Variants in TGFBR1 observed in about 807,000 individuals in gnomAD.
TGFBR1 encodes the protein TGF-beta receptor type-1.
A neutral mutation model predicts 55.1 loss-of-function variants in TGFBR1; 20 were observed. That is an observed-to-expected ratio of 0.36 (90% CI 0.26 to 0.53). TGFBR1 has a LOEUF of 0.53. Ranked by LOEUF, TGFBR1 falls within the 20% of genes least tolerant of loss-of-function variation. The pLI, the probability that TGFBR1 is intolerant of heterozygous loss-of-function variation, is 0.91. For missense variants in TGFBR1, 385 were observed against 617.6 expected (o/e 0.62, Z 3.99); for synonymous variants, 220 against 214.8 (o/e 1.02, Z -0.21).
At chr9:99,122,635 T>C (rs1826929218) in intron 1 of TGFBR1, among the ~76,000 whole-genome samples, 1 of 152,174 alleles carries the variant, frequency 6.6e-6, no homozygotes, top group Non-Finnish European at 1.5e-5. Flanking sequence ...GTCACCATGC[T>C]AACATCTGCA....
At position 99,138,179 on chromosome 9, in the gene TGFBR1, T is replaced by C. The variant is rs183415823; in HGVS notation, c.805+90T>C. 1.4e-4 allele frequency: 162 copies of C among 1,145,938 alleles called. 1 individual carries two copies. In the African/African-American group the frequency reaches 2.2e-3, roughly 16 times the overall value. 71.0% of individuals were successfully genotyped at this position (1,145,938 alleles called of 1,614,324 possible). A position where few individuals can be genotyped will look rare whatever the true frequency, so the allele number is the denominator to read the frequency against. ...GGTGACTAACCATCATCAAAGTAGA[T>C]GAGACATAGATGTCTCTCATGTAGA... is the stretch of plus-strand genomic sequence containing the variant. On this transcript the variant is annotated intron_variant, in intron 4 of 8. Transcript: ENST00000374994.
At chr9:99,133,472 T>G (rs1416659095) in intron 3 of TGFBR1, among the ~76,000 whole-genome samples, 1 of 152,204 alleles carries the variant, frequency 6.6e-6, no homozygotes, top group Non-Finnish European at 1.5e-5. Context: ...ATCTTTTACT[T>G]TTTCTTGCAT....
rs1218155178 is a variant in TGFBR1 at position 99,128,711 on chromosome 9, A to G, written c.98-144A>G. The stretch of plus-strand genomic sequence containing the variant: ...TTTGAAACTTCTAAGAGCAACAAAT[A>G]GTTGTTTTTTGCTTCTAAGAGCAAC... On this transcript the variant is annotated intron_variant, in intron 1 of 8. Transcript: ENST00000374994. 1.0e-5 allele frequency: 11 copies of G among 1,055,576 alleles called. No homozygotes were observed. The Admixed American group carries it at 2.0e-4, about 19-fold the overall frequency. 65.4% of individuals were successfully genotyped at this position (1,055,576 alleles called of 1,614,324 possible). A position where few individuals can be genotyped will look rare whatever the true frequency, so the allele number is the denominator to read the frequency against.
At position 99,128,963 on chromosome 9, in the gene TGFBR1, G is replaced by A. The variant is rs2118566757; in HGVS notation, c.206G>A (p.Ser69Asn). The change falls in exon 2 of 9, where the codon AGC becomes AAC. Residue 69 changes from serine (S) to asparagine (N), a missense_variant. Ser to Asn is a conservative substitution (Grantham distance 46, BLOSUM62 1). Around this residue, in one of 5 missense-constraint regions of TGFBR1, gnomAD observed 146 missense variants for 167.7 expected, o/e 0.87. Coordinates refer to ENST00000374994, the MANE Select transcript of TGFBR1 (RefSeq NM_004612.4). ...ACCACAGACAAAGTTATACACAACAGCATGTGTATAGCTGAAATTGACTTA... is the reference window on the plus strand; with the variant it reads ...ACCACAGACAAAGTTATACACAACAACATGTGTATAGCTGAAATTGACTTA... ...TETTDKVIHN[S>N]MCIAEIDLIP... The A allele has an allele frequency of 6.2e-7, 1 of 1,613,938 alleles. No homozygotes were observed. Among genetic ancestry groups the A allele is most frequent in the Non-Finnish European group, 8.5e-7 (1 of 1,179,936 alleles).
intron 8 of TGFBR1, 93 bp downstream of exon 8, chr9:99,147,877 T>A: frequency 7.3e-7 from 1 of 1,370,936 alleles, no homozygotes; most frequent in Non-Finnish European, 1.0e-6. Context: ...AAACTTTTCT[T>A]TAAGAATTTT....
rs1827924537 is a variant in TGFBR1 at position 99,149,671 on chromosome 9, CAT to C, written c.*367_*368del. The C allele has an allele frequency of 6.0e-6, 2 of 332,148 alleles. No homozygotes were observed. The highest frequency in any genetic ancestry group is 4.6e-5 in the Admixed American group (1 of 21,960). 20.6% of individuals were successfully genotyped at this position (332,148 alleles called of 1,614,324 possible). A position where few individuals can be genotyped will look rare whatever the true frequency, so the allele number is the denominator to read the frequency against. On this transcript the variant is annotated 3_prime_UTR_variant, in exon 9 of 9. Coordinates refer to ENST00000374994, the MANE Select transcript of TGFBR1 (RefSeq NM_004612.4). ...GTTGGATTGCTGAATTACAATGAAA[CAT>C]GTCTTATTACTAAAGAAAGTGATTT...
In TGFBR1 at chr9:99,152,504, G is replaced by A. The variant is rs988160975; in HGVS notation, c.*3199G>A. 2 of 230,664 alleles carry A rather than the reference G, an allele frequency of 8.7e-6. No individual in the cohort carries two copies. The highest frequency in any genetic ancestry group is 1.1e-4 in the Admixed American group (2 of 17,678). 14.3% of individuals were successfully genotyped at this position (230,664 alleles called of 1,614,324 possible). ...TCAGGTTTTATTACAAAATGTAAGTGGTCACTTGGCGATTTTGTAGTACAT... is the reference window on the plus strand; with the variant it reads ...TCAGGTTTTATTACAAAATGTAAGTAGTCACTTGGCGATTTTGTAGTACAT... On this transcript the variant is annotated 3_prime_UTR_variant, in exon 9 of 9. Transcript: ENST00000374994.
Position 99,131,492 on chromosome 9 carries a change from A to T in TGFBR1, c.344-1017A>T, listed in dbSNP as rs560612067. On this transcript the variant is annotated intron_variant, in intron 2 of 8. Coordinates refer to ENST00000374994, the MANE Select transcript of TGFBR1 (RefSeq NM_004612.4). Reference sequence around the variant, plus strand: ...TGGTGGTAAGCAGTAAACCAGTAAGACTCAGGATGAATGTCAAAATAATTG... The same window carrying T: ...TGGTGGTAAGCAGTAAACCAGTAAGTCTCAGGATGAATGTCAAAATAATTG... 3.3e-5 allele frequency among the ~76,000 whole-genome samples: 5 copies of T among 152,320 alleles called. No individual in the cohort carries two copies. In the South Asian group the frequency reaches 1.0e-3, roughly 32 times the overall value.
At chr9:99,120,602 A>G (rs1787587452) in intron 1 of TGFBR1, among the ~76,000 whole-genome samples, 1 of 152,190 alleles carries the variant, frequency 6.6e-6, no homozygotes, top group African/African-American at 2.4e-5. Context: ...TTTAATGGCT[A>G]TATAGTCTTT....
rs420549 is a variant in TGFBR1 at position 99,152,591 on chromosome 9, G to T, written c.*3286G>T. 4.4e-6 allele frequency: 1 copy of T among 228,602 alleles called. No individual in the cohort carries two copies. The highest frequency in any genetic ancestry group is 6.2e-5 in the East Asian group (1 of 16,120). 14.2% of individuals were successfully genotyped at this position (228,602 alleles called of 1,614,324 possible). On this transcript the variant is annotated 3_prime_UTR_variant, in exon 9 of 9. Coordinates refer to ENST00000374994, the MANE Select transcript of TGFBR1 (RefSeq NM_004612.4). ...TCAGATTAAAACAAGATGGCAAAGA[G>T]ATCGTTAGAGTGCACAACAAAATCA...
rs373576679 is a variant in TGFBR1, at chr9:99,151,483, CA to C, written c.*2179del. On this transcript the variant is annotated 3_prime_UTR_variant, in exon 9 of 9. Transcript: ENST00000374994. ...AATCCAGGGGACCAATGCATTTTAT[CA>C]CTAAAACTATTTTTATATAATTTTA... The C allele has an allele frequency of 2.5e-4, 53 of 213,098 alleles. 1 individual carries two copies. In the East Asian group the frequency reaches 3.4e-3, roughly 14 times the overall value. The allele number at this position is 213,098 out of a possible 1,614,324, so 13.2% of individuals were successfully genotyped here.
rs1259629722 is a variant in TGFBR1, at chr9:99,133,897, G to A, written c.574+1158G>A. Among the ~76,000 whole-genome samples, 12 of 151,856 alleles carry A rather than the reference G, an allele frequency of 7.9e-5. No homozygotes were observed. The East Asian group carries it at 1.5e-3, about 20-fold the overall frequency. ...CATGCGCCTGTAGTCCCAGCTACTC[G>A]GGAGGCCGAGACAGGAGAATCACCT... On this transcript the variant is annotated intron_variant, in intron 3 of 8. Coordinates refer to ENST00000374994, the MANE Select transcript of TGFBR1 (RefSeq NM_004612.4).
intron 6 of TGFBR1, 127 bp from the exon 7 acceptor site, chr9:99,146,358 A>C (rs1827795073): frequency 5.4e-6 from 6 of 1,120,958 alleles, no homozygotes; most frequent in Non-Finnish European, 8.0e-6. Context: ...ATTTTTCTTG[A>C]GTCTAATATT....
chr9:99,137,501 T>C (rs1024607872), intron 3 of TGFBR1, among the ~76,000 whole-genome samples: 1 of 152,148 alleles, frequency 6.6e-6, no homozygotes, highest in African/African-American at 2.4e-5. Context: ...ATATATCCTC[T>C]CTCTGATTGC....
In TGFBR1 at chr9:99,105,138, G is replaced by A; in HGVS notation, c.-68G>A. 9.4e-7 allele frequency: 1 copy of A among 1,067,986 alleles called. No individual in the cohort carries two copies. The highest frequency in any genetic ancestry group is 1.1e-6 in the Non-Finnish European group (1 of 880,016). The allele number at this position is 1,067,986 out of a possible 1,614,324, so 66.2% of individuals were successfully genotyped here. ...GGCGGCTAGGGAGGTGGGGCGAGGC[G>A]AGGTTTGCTGGGGTGAGGCAGCGGC... is the stretch of plus-strand genomic sequence containing the variant. On this transcript the variant is annotated 5_prime_UTR_variant, in exon 1 of 9. Coordinates refer to ENST00000374994, the MANE Select transcript of TGFBR1 (RefSeq NM_004612.4).
intron 1 of TGFBR1, among the ~76,000 whole-genome samples, chr9:99,118,141 AT>A (rs1248179036): frequency 6.6e-6 from 1 of 152,160 alleles, no homozygotes; most frequent in Non-Finnish European, 1.5e-5. Flanking sequence ...TTTAAGAATG[AT>A]TTTTTAATTT....
At chr9:99,107,898 C>G (rs1327146822) in intron 1 of TGFBR1, among the ~76,000 whole-genome samples, 1 of 152,200 alleles carries the variant, frequency 6.6e-6, no homozygotes, top group African/African-American at 2.4e-5. Flanking sequence ...GTTCTCAGCC[C>G]TGACTTCCTG....
intron 1 of TGFBR1, among the ~76,000 whole-genome samples, chr9:99,116,325 A>G (rs1826737851): frequency 6.6e-6 from 1 of 152,188 alleles, no homozygotes; most frequent in African/African-American, 2.4e-5. Context: ...CAGAAGTCTT[A>G]AGGGAAAACT....
Position 99,153,855 on chromosome 9 carries a change from C to G in TGFBR1, c.*4550C>G, listed in dbSNP as rs1428524065. 1 of 211,836 alleles carries G rather than the reference C, an allele frequency of 4.7e-6. No individual in the cohort carries two copies. Among genetic ancestry groups the G allele is most frequent in the African/African-American group, 2.3e-5 (1 of 44,130 alleles). 13.1% of individuals were successfully genotyped at this position (211,836 alleles called of 1,614,324 possible). ...TGTCTCTGTGCCTGGGGGCTTTTCT[C>G]CACATGCTTAGGGGTGTGGGTCTTC... On this transcript the variant is annotated 3_prime_UTR_variant, in exon 9 of 9. Transcript: ENST00000374994.
Sources: allele counts gnomAD v4.1 joint callset (sites outside exome capture counted in the v4.1 genomes callset), GRCh38; gene constraint gnomAD v4.1.1; regional missense constraint gnomAD v4.1.1; transcripts MANE v1.5; gene names NCBI Gene and HGNC (gene_info 2026-07-23, HGNC 2026-07-21).